Variants in SLCO1C1 observed in about 807,000 individuals in gnomAD.
SLCO1C1 encodes the protein OAT-RP-5.
SLCO1C1 carries 70 observed loss-of-function variants against 76.4 expected under a neutral mutation model. That is an observed-to-expected ratio of 0.92 (90% CI 0.76 to 1.12). SLCO1C1 has a LOEUF of 1.12. Among genes scored for constraint, SLCO1C1 ranks in the 50% most tolerant of loss-of-function variants. SLCO1C1 has a pLI of 0.00. For synonymous variants in SLCO1C1, 306 were observed against 286.1 expected (o/e 1.07, Z -0.70); for missense variants, 912 against 823.8 (o/e 1.11, Z -1.31).
intron 10 of SLCO1C1, among the ~76,000 whole-genome samples, chr12:20,733,400 CTCTG>C (rs1014682738): frequency 6.6e-6 from 1 of 152,102 alleles, no homozygotes; most frequent in African/African-American, 2.4e-5. Flanking sequence ...TGAATAATGC[CTCTG>C]TCTATTCTTA....
intron 3 of SLCO1C1, among the ~76,000 whole-genome samples, chr12:20,704,447 C>T (rs765916987): frequency 6.6e-6 from 1 of 151,678 alleles, no homozygotes. Context: ...GGTACATTAA[C>T]AAACATATAG....
chr12:20,747,935 C>T (rs926315505), intron 13 of SLCO1C1, among the ~76,000 whole-genome samples: 2 of 152,190 alleles, frequency 1.3e-5, no homozygotes, highest in Non-Finnish European at 2.9e-5. Context: ...TCCCTAACTA[C>T]TTACCCAACT....
chr12:20,723,898 T>C (rs1205462317), intron 9 of SLCO1C1, among the ~76,000 whole-genome samples: 2 of 152,184 alleles, frequency 1.3e-5, no homozygotes, highest in Non-Finnish European at 2.9e-5. Context: ...TATTCCTTTA[T>C]GATAGGAGAC....
chr12:20,732,295 T>C (rs1320716001), intron 9 of SLCO1C1, among the ~76,000 whole-genome samples: 2 of 152,238 alleles, frequency 1.3e-5, no homozygotes, highest in African/African-American at 2.4e-5. Flanking sequence ...AGTGTGGCTA[T>C]GAACAAATAG....
intron 10 of SLCO1C1, among the ~76,000 whole-genome samples, chr12:20,734,247 T>G (rs769744101): frequency 2.4e-4 from 36 of 152,202 alleles, no homozygotes; most frequent in Non-Finnish European, 4.0e-4. Flanking sequence ...GTTTTGGCCA[T>G]CTACAATGTT....
intron 9 of SLCO1C1, among the ~76,000 whole-genome samples, chr12:20,732,568 A>AT (rs1948334126): frequency 6.6e-6 from 1 of 152,178 alleles, no homozygotes; most frequent in African/African-American, 2.4e-5. Context: ...TGTGCCTATT[A>AT]TTTTTTATAT....
chr12:20,721,663 G>C, intron 7 of SLCO1C1, 141 bp from the exon 8 acceptor site: 1 of 1,062,158 alleles, frequency 9.4e-7, no homozygotes, highest in Non-Finnish European at 1.3e-6. Context: ...GTAAGATCCA[G>C]ATAAAAAAAA....
At position 20,705,958 on chromosome 12, in the gene SLCO1C1, T is replaced by C. The variant is rs1445953483; in HGVS notation, c.281T>C (p.Leu94Ser). 6.2e-7 allele frequency: 1 copy of C among 1,612,970 alleles called. No individual in the cohort carries two copies. The highest frequency in any genetic ancestry group is 8.5e-7 in the Non-Finnish European group (1 of 1,179,238). Residue 94 changes from leucine (L) to serine (S), a missense_variant, in exon 4 of 15, where the codon TTA becomes TCA. Transcript: ENST00000266509. ...IDGSFEIGNL[L>S]VITFVSYFGA... ...ATTCTTTTCCTCAAAGGGAATCTCT[T>C]AGTTATAACATTTGTTAGCTACTTT... is the stretch of plus-strand genomic sequence containing the variant.
At chr12:20,738,852 G>A (rs1948672062) in intron 11 of SLCO1C1, among the ~76,000 whole-genome samples, 1 of 152,020 alleles carries the variant, frequency 6.6e-6, no homozygotes, top group African/African-American at 2.4e-5. Context: ...CAAAGGACTT[G>A]CTTAACTCAT....
chr12:20,736,980 C>T (rs1030394601), intron 10 of SLCO1C1, 127 bp from the exon 11 acceptor site: 2 of 660,838 alleles, frequency 3.0e-6, no homozygotes, highest in Non-Finnish European at 4.5e-6. Flanking sequence ...CTGATGACAA[C>T]TGTGTTTCTA....
Position 20,752,667 on chromosome 12 carries a change from G to A in SLCO1C1, c.*139G>A. 1.7e-6 allele frequency: 1 copy of A among 595,894 alleles called. No individual in the cohort carries two copies. The highest frequency in any genetic ancestry group is 2.8e-6 in the Non-Finnish European group (1 of 360,302). 36.9% of individuals were successfully genotyped at this position (595,894 alleles called of 1,614,324 possible). On this transcript the variant is annotated 3_prime_UTR_variant, in exon 15 of 15. Coordinates refer to ENST00000266509, the MANE Select transcript of SLCO1C1 (RefSeq NM_017435.5). ...ACTTTGTTTTGGTCCTAGGCATTAG[G>A]TAATATAACTGATAATATACTGAAA... is the stretch of plus-strand genomic sequence containing the variant.
At position 20,741,492 on chromosome 12, in the gene SLCO1C1, A is replaced by G. The variant is rs548266399; in HGVS notation, c.1733+1124A>G. ...CTTTCTAATGTAATTAATGGGACCT[A>G]AAAAATAGTGATTTGATAACCAACA... is the stretch of plus-strand genomic sequence containing the variant. On this transcript the variant is annotated intron_variant, in intron 12 of 14. Transcript: ENST00000266509. 7.2e-5 allele frequency among the ~76,000 whole-genome samples: 11 copies of G among 152,252 alleles called. No individual in the cohort carries two copies. The East Asian group carries it at 2.1e-3, about 29-fold the overall frequency.
At chr12:20,705,640 G>A (rs918154363) in intron 3 of SLCO1C1, among the ~76,000 whole-genome samples, 8 of 151,980 alleles carry the variant, frequency 5.3e-5, no homozygotes, top group African/African-American at 1.9e-4. Context: ...ATATTTGAGA[G>A]GGAAGCTAAA....
intron 7 of SLCO1C1, among the ~76,000 whole-genome samples, chr12:20,719,432 T>G (rs966894955): frequency 1.3e-5 from 2 of 152,132 alleles, no homozygotes; most frequent in Non-Finnish European, 2.9e-5. Context: ...AAGATTAGGC[T>G]TAATGAGGAA....
rs1468370343 is a variant in SLCO1C1, at chr12:20,748,198, CT to C, written c.1799-2471del. ...GCATTAGGTGATATATCTCTAAAAT[CT>C]TTTTTAATCCATAGGCTTTACTTCC... On this transcript the variant is annotated intron_variant, in intron 13 of 14. Transcript: ENST00000266509. Among the ~76,000 whole-genome samples the C allele has an allele frequency of 4.6e-5, 7 of 152,216 alleles. No homozygotes were observed. The East Asian group carries it at 1.4e-3, about 29-fold the overall frequency.
At chr12:20,722,269 C>T (rs761249597) in intron 8 of SLCO1C1, among the ~76,000 whole-genome samples, 10 of 152,236 alleles carry the variant, frequency 6.6e-5, no homozygotes, top group Non-Finnish European at 1.5e-4. Context: ...TGTCTCCACC[C>T]TCTCACACCT....
chr12:20,723,087 C>T lies in SLCO1C1; in HGVS notation c.1022-3C>T, dbSNP rs2120760408. 3 of 1,600,714 alleles carry T rather than the reference C, an allele frequency of 1.9e-6. No individual in the cohort carries two copies. Among genetic ancestry groups the T allele is most frequent in the East Asian group, 2.2e-5 (1 of 44,760 alleles). ...ATTAGTCTATGTTATTTTTGTTTTA[C>T]AGATTTTCTTCCATCACTGAAGAAT... On this transcript the variant is annotated splice_region_variant and splice_polypyrimidine_tract_variant and intron_variant, in intron 8 of 14. Transcript: ENST00000266509.
chr12:20,728,356 C>T (rs758897774), intron 9 of SLCO1C1, among the ~76,000 whole-genome samples: 1 of 152,024 alleles, frequency 6.6e-6, no homozygotes, highest in Non-Finnish European at 1.5e-5. Context: ...TTAAGCTTCT[C>T]CTATAAATAT....
intron 5 of SLCO1C1, among the ~76,000 whole-genome samples, chr12:20,712,402 C>T (rs762596964): frequency 2.0e-5 from 3 of 152,102 alleles, no homozygotes; most frequent in African/African-American, 4.8e-5. Flanking sequence ...TTCACTTGGC[C>T]GAGGTAACAC....
Sources: allele counts gnomAD v4.1 joint callset (sites outside exome capture counted in the v4.1 genomes callset), GRCh38; gene constraint gnomAD v4.1.1; transcripts MANE v1.5; gene names NCBI Gene and HGNC (gene_info 2026-07-23, HGNC 2026-07-21).